The following MEI4 variants were observed in gnomAD, a reference collection of about 807,000 sequenced individuals.
MEI4 encodes the protein meiosis-specific protein MEI4.
Under a neutral mutation model 31.4 loss-of-function variants are expected in MEI4, and 27 were observed. That is an observed-to-expected ratio of 0.86 (90% CI 0.63 to 1.19). The LOEUF (loss-of-function observed/expected upper bound fraction) is 1.19. MEI4 is among the 50% of genes most tolerant of loss of function. The pLI is 0.00. For synonymous variants in MEI4, 122 were observed against 145.4 expected (o/e 0.84, Z 1.16); for missense variants, 329 against 398.9 (o/e 0.82, Z 1.49).
chr6:77,851,120 T>G (rs964357214), intron 4 of MEI4, among the ~76,000 whole-genome samples: 1 of 152,102 alleles, frequency 6.6e-6, no homozygotes, highest in Admixed American at 6.5e-5. Flanking sequence ...TGGTGATCAT[T>G]AAAAAGTCAG....
At chr6:77,900,008 T>A (rs530541479) in intron 4 of MEI4, among the ~76,000 whole-genome samples, 4 of 148,468 alleles carry the variant, frequency 2.7e-5, no homozygotes, top group Non-Finnish European at 5.9e-5. Flanking sequence ...ATACAGGCAA[T>A]GAAAACCAAA....
intron 3 of MEI4, among the ~76,000 whole-genome samples, chr6:77,803,368 T>G (rs1225372361): frequency 6.6e-6 from 1 of 152,170 alleles, no homozygotes; most frequent in African/African-American, 2.4e-5. Flanking sequence ...TAGGTAGTCA[T>G]TGGTCTAATT....
intron 2 of MEI4, among the ~76,000 whole-genome samples, chr6:77,749,795 G>T (rs1404958616): frequency 6.6e-6 from 1 of 152,198 alleles, no homozygotes; most frequent in East Asian, 1.9e-4. Context: ...CTGAAGAAGA[G>T]CAACCCCAAG....
At chr6:77,785,237 A>C (rs1768704148) in intron 3 of MEI4, among the ~76,000 whole-genome samples, 1 of 152,168 alleles carries the variant, frequency 6.6e-6, no homozygotes, top group Non-Finnish European at 1.5e-5. Context: ...GTAAAACTTT[A>C]TGCAAATACT....
At chr6:77,887,995 T>A (rs1771665033) in intron 4 of MEI4, among the ~76,000 whole-genome samples, 1 of 152,178 alleles carries the variant, frequency 6.6e-6, no homozygotes. Flanking sequence ...CTTCCTGAAT[T>A]CATTCCTTTA....
At chr6:77,868,164 C>T (rs1338670827) in intron 4 of MEI4, among the ~76,000 whole-genome samples, 2 of 150,574 alleles carry the variant, frequency 1.3e-5, no homozygotes, top group Non-Finnish European at 2.9e-5. Context: ...CACATGTATA[C>T]ATATGTAACT....
intron 2 of MEI4, among the ~76,000 whole-genome samples, chr6:77,705,069 ATGTT>A (rs1390958327): frequency 6.6e-6 from 1 of 152,096 alleles, no homozygotes; most frequent in African/African-American, 2.4e-5. Context: ...CCTAGCAACT[ATGTT>A]TGATACTGTT....
At chr6:77,888,900 A>G (rs981942366) in intron 4 of MEI4, among the ~76,000 whole-genome samples, 26 of 152,056 alleles carry the variant, frequency 1.7e-4, no homozygotes, top group Non-Finnish European at 3.5e-4. Flanking sequence ...ATGAGATCTG[A>G]TGGCGTTATA....
intron 4 of MEI4, among the ~76,000 whole-genome samples, chr6:77,902,219 T>G (rs2127735460): frequency 6.6e-6 from 1 of 152,192 alleles, no homozygotes; most frequent in East Asian, 1.9e-4. Flanking sequence ...TTATTAAAAC[T>G]TTTTCTCTCT....
intron 3 of MEI4, among the ~76,000 whole-genome samples, chr6:77,772,677 A>C (rs1768346405): frequency 6.6e-6 from 1 of 151,942 alleles, no homozygotes; most frequent in African/African-American, 2.4e-5. Flanking sequence ...AAGGATATGC[A>C]CTTCAACATA....
At chr6:77,806,089 T>C (rs75989926) in intron 3 of MEI4, among the ~76,000 whole-genome samples, 2,189 of 152,236 alleles carry the variant, frequency 0.014, 55 homozygotes, top group African/African-American at 0.05. Context: ...AATCTCATTA[T>C]AGTCTTGGCC....
chr6:77,678,371 C>T (rs1768883860), intron 1 of MEI4, among the ~76,000 whole-genome samples: 1 of 152,108 alleles, frequency 6.6e-6, no homozygotes, highest in Non-Finnish European at 1.5e-5. Flanking sequence ...TTGGTTAGAT[C>T]TCAAATTTTG....
chr6:77,772,666 CA>C (rs769622174), intron 3 of MEI4, among the ~76,000 whole-genome samples: 7 of 151,874 alleles, frequency 4.6e-5, no homozygotes, highest in Non-Finnish European at 1.0e-4. Flanking sequence ...TGGAAGACAA[CA>C]AGGATATGCA....
At chr6:77,808,467 G>A (rs1285073031) in intron 3 of MEI4, among the ~76,000 whole-genome samples, 1 of 152,118 alleles carries the variant, frequency 6.6e-6, no homozygotes, top group Non-Finnish European at 1.5e-5. Flanking sequence ...GACCCTCAAT[G>A]TCAAGAAGTA....
intron 4 of MEI4, among the ~76,000 whole-genome samples, chr6:77,845,045 G>C (rs1014858815): frequency 6.6e-6 from 1 of 152,018 alleles, no homozygotes; most frequent in Non-Finnish European, 1.5e-5. Context: ...ACACTACCTT[G>C]CCCTGTGAGT....
chr6:77,670,548 T>A (rs1411324577), intron 1 of MEI4, among the ~76,000 whole-genome samples: 1 of 152,172 alleles, frequency 6.6e-6, no homozygotes, highest in Non-Finnish European at 1.5e-5. Context: ...CACAGGATTA[T>A]CGTGTGACCA....
chr6:77,742,892 G>T (rs1451665779), intron 2 of MEI4, among the ~76,000 whole-genome samples: 7 of 152,022 alleles, frequency 4.6e-5, no homozygotes, highest in Non-Finnish European at 1.0e-4. Context: ...TTTCCCCATT[G>T]CTTGTTTTTC....
intron 1 of MEI4, among the ~76,000 whole-genome samples, chr6:77,684,925 A>G (rs1337772559): frequency 2.0e-5 from 3 of 152,176 alleles, no homozygotes; most frequent in Non-Finnish European, 4.4e-5. Context: ...AGGACCCTCC[A>G]AACAGTTCTC....
chr6:77,699,087 C>T lies in MEI4; in HGVS notation c.232+8184C>T, dbSNP rs532502705. Among the ~76,000 whole-genome samples the T allele has an allele frequency of 1.6e-3, 244 of 152,208 alleles. 1 individual carries two copies. Among genetic ancestry groups the T allele is most frequent in the Non-Finnish European group, 2.6e-3 (180 of 68,006 alleles). On this transcript the variant is annotated intron_variant, in intron 2 of 4. Transcript: ENST00000684080. ...GCTCCTGAGGCTTCTGCATTCTTCA[C>T]GTAGTTCTTGAGCCTTGGCCTTCAG...
Sources: gnomAD v4.1 joint callset for allele counts (sites outside exome capture counted in the v4.1 genomes callset) on GRCh38, gnomAD v4.1.1 for gene constraint, MANE v1.5 for transcripts, NCBI Gene and HGNC (gene_info 2026-07-23, HGNC 2026-07-21) for gene names.